DPP10: variants seen among roughly 807,000 people sequenced by gnomAD.
The protein encoded by DPP10 is inactive dipeptidyl peptidase 10.
DPP10 carries 33 observed loss-of-function variants against 120.9 expected under a neutral mutation model. The ratio of observed to expected loss-of-function variants is 0.27; its 90% confidence interval spans 0.21 to 0.37. The LOEUF is 0.37. DPP10 is among the 10% of genes least tolerant of loss of function. The probability of loss-of-function intolerance (pLI) is 1.00; values close to 1 mark genes in which losing one functional copy is unlikely to be tolerated. For missense variants in DPP10, 816 were observed against 942.8 expected, an observed-to-expected ratio of 0.87 and a Z score of 1.76; for synonymous variants, 337 against 326.1, an observed-to-expected ratio of 1.03 and a Z score of -0.36.
chr2:114,732,946 T>C (rs538196185), intron 1 of DPP10, among the ~76,000 whole-genome samples: 4 of 152,246 alleles, frequency 2.6e-5, no homozygotes, highest in African/African-American at 9.6e-5. Context: ...AGATAGAAAC[T>C]CTATCTGACG....
intron 1 of DPP10, among the ~76,000 whole-genome samples, chr2:114,845,760 A>G (rs1206475063): frequency 1.3e-5 from 2 of 152,152 alleles, no homozygotes; most frequent in African/African-American, 4.8e-5. Flanking sequence ...AATATTGTCA[A>G]TCACTTCTAA....
At chr2:114,538,688 T>C (rs751028324) in intron 1 of DPP10, among the ~76,000 whole-genome samples, 7 of 152,120 alleles carry the variant, frequency 4.6e-5, no homozygotes, top group Non-Finnish European at 8.8e-5. Context: ...TAATATAACA[T>C]AGATTTATTT....
chr2:115,628,497 G>T (rs2085554196), intron 5 of DPP10, among the ~76,000 whole-genome samples: 1 of 152,074 alleles, frequency 6.6e-6, no homozygotes, highest in African/African-American at 2.4e-5. Flanking sequence ...AGTCTCTTTT[G>T]CTGTGCAGAA....
chr2:114,993,073 C>T (rs114656646), intron 1 of DPP10, among the ~76,000 whole-genome samples: 2,851 of 152,240 alleles, frequency 0.019, 34 homozygotes, highest in Non-Finnish European at 0.031. Flanking sequence ...ATTTCTCCTT[C>T]CTTGGAGTGA....
chr2:115,343,766 TAA>T, intron 2 of DPP10, 49 bp from the exon 3 acceptor site: 1 of 1,358,446 alleles, frequency 7.4e-7, no homozygotes, highest in Non-Finnish European at 1.0e-6. Flanking sequence ...TTGCTCCTTT[TAA>T]AAAACAAGCA....
intron 1 of DPP10, among the ~76,000 whole-genome samples, chr2:114,919,539 C>T (rs1459327734): frequency 6.6e-6 from 1 of 152,130 alleles, no homozygotes; most frequent in Non-Finnish European, 1.5e-5. Context: ...ATTAATGAAT[C>T]CATGTTGGTT....
intron 1 of DPP10, among the ~76,000 whole-genome samples, chr2:114,858,439 A>G (rs1460241151): frequency 6.6e-6 from 1 of 152,220 alleles, no homozygotes; most frequent in Admixed American, 6.5e-5. Flanking sequence ...GGAGTATTTT[A>G]TGTTTTCATG....
chr2:115,639,147 GA>G (rs2086580847), intron 5 of DPP10, among the ~76,000 whole-genome samples: 2 of 152,128 alleles, frequency 1.3e-5, no homozygotes, highest in African/African-American at 4.8e-5. Flanking sequence ...GGAGAATAAG[GA>G]TACACTGAGT....
chr2:115,622,026 A>G (rs1381012871), intron 5 of DPP10, among the ~76,000 whole-genome samples: 2 of 152,212 alleles, frequency 1.3e-5, no homozygotes, highest in African/African-American at 4.8e-5. Flanking sequence ...TTTACCTGCT[A>G]TAAAGTTACT....
At position 115,191,172 on chromosome 2, in the gene DPP10, T is replaced by C. The variant is rs189892874; in HGVS notation, c.61-118067T>C. 9.2e-5 allele frequency among the ~76,000 whole-genome samples: 14 copies of C among 152,300 alleles called. No individual in the cohort carries two copies. In the East Asian group the frequency reaches 2.7e-3, roughly 29 times the overall value. ...TGATTTATCTGACCACGGGGAGGGC[T>C]AACTCCTTTAGTAAAATGAATATAT... On this transcript the variant is annotated intron_variant, in intron 1 of 25. Coordinates refer to ENST00000410059, the MANE Select transcript of DPP10 (RefSeq NM_020868.6).
intron 3 of DPP10, among the ~76,000 whole-genome samples, chr2:115,358,062 A>G (rs1191790027): frequency 2.6e-5 from 4 of 152,092 alleles, no homozygotes; most frequent in African/African-American, 9.7e-5. Flanking sequence ...GGTCTCTGAC[A>G]TGCCCTGGAG....
intron 1 of DPP10, among the ~76,000 whole-genome samples, chr2:114,948,232 C>A (rs1697512354): frequency 6.6e-6 from 1 of 152,028 alleles, no homozygotes; most frequent in African/African-American, 2.4e-5. Flanking sequence ...TTCAATCCTT[C>A]AATTAGTTAA....
intron 3 of DPP10, among the ~76,000 whole-genome samples, chr2:115,453,683 A>G (rs896383408): frequency 3.3e-5 from 5 of 151,630 alleles, no homozygotes; most frequent in Non-Finnish European, 1.5e-5. Context: ...ATTTTAGGGA[A>G]GAATAATATT....
intron 1 of DPP10, among the ~76,000 whole-genome samples, chr2:115,023,768 G>A (rs1046312496): frequency 4.6e-5 from 7 of 152,048 alleles, no homozygotes; most frequent in Non-Finnish European, 8.8e-5. Flanking sequence ...ATCAATCAAC[G>A]AGTAGATAAA....
At chr2:114,741,229 T>C (rs1442998447) in intron 1 of DPP10, among the ~76,000 whole-genome samples, 2 of 152,184 alleles carry the variant, frequency 1.3e-5, no homozygotes, top group African/African-American at 4.8e-5. Context: ...TGCATAACCT[T>C]TCTGTACCTT....
intron 1 of DPP10, among the ~76,000 whole-genome samples, chr2:114,963,476 AG>A (rs1698794548): frequency 6.6e-6 from 1 of 152,240 alleles, no homozygotes; most frequent in Non-Finnish European, 1.5e-5. Flanking sequence ...ACAAGAAGTA[AG>A]GAAAAATGTG....
At chr2:115,550,670 C>T (rs958113641) in intron 5 of DPP10, among the ~76,000 whole-genome samples, 1 of 152,120 alleles carries the variant, frequency 6.6e-6, no homozygotes, top group Non-Finnish European at 1.5e-5. Context: ...AACTATAACG[C>T]TTATTTAAAG....
intron 4 of DPP10, among the ~76,000 whole-genome samples, chr2:115,520,353 G>A (rs2077733542): frequency 6.6e-6 from 1 of 152,000 alleles, no homozygotes; most frequent in African/African-American, 2.4e-5. Context: ...GGATATGTGT[G>A]TGAATATTTA....
At chr2:115,841,836 C>T (rs934083864) in intron 25 of DPP10, among the ~76,000 whole-genome samples, 1 of 152,098 alleles carries the variant, frequency 6.6e-6, no homozygotes. Flanking sequence ...ACTCAATGCT[C>T]TTTAAATAAA....
Sources: allele counts gnomAD v4.1 joint callset (sites outside exome capture counted in the v4.1 genomes callset), GRCh38; gene constraint gnomAD v4.1.1; transcripts MANE v1.5; gene names NCBI Gene and HGNC (gene_info 2026-07-23, HGNC 2026-07-21).